The following DNAH5 variants were observed in gnomAD, a reference collection of about 807,000 sequenced individuals.
DNAH5 encodes the protein dynein axonemal heavy chain 5.
DNAH5 carries 372 observed loss-of-function variants against 518.2 expected under a neutral mutation model. The ratio of observed to expected loss-of-function variants is 0.72; its 90% CI spans 0.66 to 0.78. The LOEUF is 0.78. DNAH5 is among the 30% of genes least tolerant of loss of function. The probability of loss-of-function intolerance (pLI) is 0.00; values close to 1 mark genes in which losing one functional copy is unlikely to be tolerated. For synonymous variants in DNAH5, 2,039 were observed against 2,025.9 expected (o/e 1.01, Z -0.17); for missense variants, 5,523 against 5,687.0 (o/e 0.97, Z 0.93).
chr5:13,895,340 A>T (rs905959056), intron 15 of DNAH5, among the ~76,000 whole-genome samples: 1 of 152,230 alleles, frequency 6.6e-6, no homozygotes, highest in South Asian at 2.1e-4. Flanking sequence ...AAGATGAACA[A>T]GAATTTAAGA....
At chr5:13,725,018 A>G (rs2126551057) in intron 70 of DNAH5, among the ~76,000 whole-genome samples, 1 of 152,324 alleles carries the variant, frequency 6.6e-6, no homozygotes, top group East Asian at 1.9e-4. Flanking sequence ...TGCAACAGAT[A>G]TAAACCTTGG....
At chr5:13,922,063 T>G in intron 5 of DNAH5, 44 bp downstream of exon 5, 1 of 1,590,304 alleles carries the variant, frequency 6.3e-7, no homozygotes, top group South Asian at 1.1e-5. Flanking sequence ...CTGTGCTTGT[T>G]GACCACCTGA....
rs767964669 is a variant in DNAH5, at chr5:13,917,267, T to C, written c.976-11A>G. 117 of 1,596,528 alleles carry C rather than the reference T, an allele frequency of 7.3e-5. No homozygotes were observed. Among genetic ancestry groups the C allele is most frequent in the African/African-American group, 4.0e-5 (3 of 74,678 alleles). On this transcript the variant is annotated splice_polypyrimidine_tract_variant and intron_variant, in intron 7 of 78. Coordinates refer to ENST00000265104, the MANE Select transcript of DNAH5 (RefSeq NM_001369.3). The stretch of plus-strand genomic sequence containing the variant: ...CATCTCCCGCCAAGTCTAAGCACAA[T>C]AGGGAAAAGCAATTTTAATGTAATT...
chr5:13,839,274 C>T (rs1764832646), intron 35 of DNAH5, 82 bp downstream of exon 35: 2 of 1,312,140 alleles, frequency 1.5e-6, no homozygotes, highest in East Asian at 2.3e-5. Flanking sequence ...AGCCTATAAA[C>T]CCTAAGAGAC....
At chr5:13,894,923 A>G in intron 15 of DNAH5, 102 bp from the exon 16 acceptor site, 1 of 1,331,148 alleles carries the variant, frequency 7.5e-7, no homozygotes, top group Non-Finnish European at 1.1e-6. Flanking sequence ...TTAGGGTCAA[A>G]CTGTAGGGCT....
At chr5:13,693,358 A>C (rs913730122) in intron 78 of DNAH5, among the ~76,000 whole-genome samples, 15 of 152,236 alleles carry the variant, frequency 9.9e-5, no homozygotes, top group Non-Finnish European at 2.1e-4. Context: ...AAATTACAAA[A>C]GCAAGGCACT....
At chr5:13,939,667 A>C (rs1427478830) in intron 1 of DNAH5, among the ~76,000 whole-genome samples, 1 of 152,090 alleles carries the variant, frequency 6.6e-6, no homozygotes, top group Non-Finnish European at 1.5e-5. Flanking sequence ...CTGCTCTCTA[A>C]TTGGCTGGGA....
chr5:13,895,964 T>C (rs1651564318), intron 15 of DNAH5, among the ~76,000 whole-genome samples: 1 of 152,012 alleles, frequency 6.6e-6, no homozygotes, highest in African/African-American at 2.4e-5. Flanking sequence ...TTAGGATATC[T>C]TGTTTGCTGT....
chr5:13,732,002 A>C (rs1746622956), intron 68 of DNAH5, among the ~76,000 whole-genome samples: 1 of 151,976 alleles, frequency 6.6e-6, no homozygotes, highest in Non-Finnish European at 1.5e-5. Context: ...ATGTATTGGC[A>C]TGAGCTTGTA....
chr5:13,820,253 A>T (rs1347820435), intron 41 of DNAH5, 93 bp downstream of exon 41: 1 of 1,272,726 alleles, frequency 7.9e-7, no homozygotes, highest in African/African-American at 1.5e-5. Context: ...AAAATATATT[A>T]TTGTATCTGC....
chr5:13,829,693 A>G lies in DNAH5; in HGVS notation c.6261T>C (p.Tyr2087=). ...TTTCAGGGAGTTCCTGCCGTCCGGC[A>G]TAGCCAGGATTCTAAACAGAAAATA... ...FGLFLTMNPG[Y]AGRQELPENL... The change falls in exon 38 of 79, where the codon TAT becomes TAC. Residue 2087 remains tyrosine, a synonymous_variant. Coordinates refer to ENST00000265104, the MANE Select transcript of DNAH5 (RefSeq NM_001369.3). 1 of 1,614,124 alleles carries G rather than the reference A, an allele frequency of 6.2e-7. No homozygotes were observed. The highest frequency in any genetic ancestry group is 8.5e-7 in the Non-Finnish European group (1 of 1,179,954).
At chr5:13,902,846 T>A (rs1774826028) in intron 12 of DNAH5, among the ~76,000 whole-genome samples, 1 of 151,984 alleles carries the variant, frequency 6.6e-6, no homozygotes, top group Non-Finnish European at 1.5e-5. Context: ...GTAAAACCAC[T>A]AGGACCACAG....
At chr5:13,903,677 C>A (rs1561540707) in intron 12 of DNAH5, among the ~76,000 whole-genome samples, 1 of 151,886 alleles carries the variant, frequency 6.6e-6, no homozygotes. Context: ...TCGTGGAGAA[C>A]AATAGCCGAC....
chr5:13,845,428 A>G (rs1343132863), intron 31 of DNAH5, among the ~76,000 whole-genome samples: 1 of 151,972 alleles, frequency 6.6e-6, no homozygotes, highest in Admixed American at 6.6e-5. Context: ...AGCTCCCTAC[A>G]ATACTTGAAA....
In DNAH5 at chr5:13,891,033, A is replaced by G. The variant is rs1416452557; in HGVS notation, c.2520T>C (p.Leu840=). The G allele has an allele frequency of 1.2e-6, 2 of 1,614,228 alleles. No individual in the cohort carries two copies. Among genetic ancestry groups the G allele is most frequent in the African/African-American group, 1.3e-5 (1 of 75,074 alleles). ...AILEEMSSTP[L]CQLPQEEPLT... ...GTGGCTCCTCCTGGGGAAGCTGACA[A>G]AGAGGCGTGCTGCTCATTTCTTCTA... The change falls in exon 17 of 79, where the codon CTT becomes CTC. Residue 840 remains leucine (L), a synonymous_variant. Coordinates refer to ENST00000265104, the MANE Select transcript of DNAH5 (RefSeq NM_001369.3).
intron 1 of DNAH5, among the ~76,000 whole-genome samples, chr5:13,995,640 A>G (rs1475966793): frequency 1.3e-5 from 2 of 152,228 alleles, no homozygotes; most frequent in Non-Finnish European, 1.5e-5. Context: ...TTAAAAAAAA[A>G]GTAGCAAAAT....
chr5:13,864,268 G>C, intron 28 of DNAH5, 129 bp downstream of exon 28: 1 of 1,248,502 alleles, frequency 8.0e-7, no homozygotes, highest in South Asian at 1.2e-5. Context: ...GAAGGAACTA[G>C]TGGCTGAATG....
intron 1 of DNAH5, among the ~76,000 whole-genome samples, chr5:13,973,674 G>C (rs1375576123): frequency 6.7e-6 from 1 of 150,310 alleles, no homozygotes; most frequent in Non-Finnish European, 1.5e-5. Flanking sequence ...CATATAGAGA[G>C]ATATACATTG....
intron 35 of DNAH5, among the ~76,000 whole-genome samples, chr5:13,834,351 G>T (rs962385160): frequency 9.9e-5 from 15 of 152,160 alleles, no homozygotes; most frequent in African/African-American, 3.4e-4. Context: ...AGCATCCACA[G>T]TTTTCAGAGG....
Sources: allele counts gnomAD v4.1 joint callset (sites outside exome capture counted in the v4.1 genomes callset), GRCh38; gene constraint gnomAD v4.1.1; transcripts MANE v1.5; gene names NCBI Gene and HGNC (gene_info 2026-07-23, HGNC 2026-07-21).